ANKRD62: variants seen among roughly 807,000 people sequenced by gnomAD.
ANKRD62 encodes the protein ankyrin repeat domain 62, also known as ankyrin repeat domain-containing protein 62.
In ANKRD62, 61 loss-of-function variants were observed where a neutral mutation model predicts 98.8. The observed-to-expected ratio is 0.62, with a 90% confidence interval of 0.50 to 0.76. The LOEUF (loss-of-function observed/expected upper bound fraction) is 0.76. ANKRD62 is among the 30% of genes least tolerant of loss of function. The probability of loss-of-function intolerance (pLI) is 0.00; values close to 1 mark genes in which losing one functional copy is unlikely to be tolerated. For synonymous variants in ANKRD62, 341 were observed against 367.9 expected (o/e 0.93, Z 0.84); for missense variants, 933 against 1,082.9 (o/e 0.86, Z 1.94).
At chr18:12,109,335 G>C (rs1909484554) in intron 8 of ANKRD62, among the ~76,000 whole-genome samples, 2 of 152,188 alleles carry the variant, frequency 1.3e-5, no homozygotes, top group Non-Finnish European at 2.9e-5. Flanking sequence ...CCAAGGCATG[G>C]GTTTTTCACT....
the ANKRD62 span, among the ~76,000 whole-genome samples, chr18:12,160,764 G>A: frequency 0.01 from 1,571 of 152,156 alleles, 28 homozygotes; most frequent in African/African-American, 0.033. Flanking sequence ...TGCAACCAGA[G>A]GGAGGCATTA....
the ANKRD62 span, among the ~76,000 whole-genome samples, chr18:12,178,558 G>A: frequency 2.0e-5 from 3 of 149,622 alleles, no homozygotes; most frequent in Admixed American, 2.0e-4. Context: ...ATGAAATGCA[G>A]TGAAGAAGGA....
the ANKRD62 span, among the ~76,000 whole-genome samples, chr18:12,156,964 C>G: frequency 0.011 from 1,604 of 152,202 alleles, 23 homozygotes; most frequent in African/African-American, 0.036. Flanking sequence ...CGCTCGCTGT[C>G]TCTCATTTTT....
rs144813687 is a variant in ANKRD62, at chr18:12,107,349, G to T, written c.946G>T (p.Val316Leu). ...RNKKMEVSRN[V>L]HADDSDNYND... is the part of the protein sequence containing the mutation. ...TAAGAAAATGGAAGTGTCAAGAAAC[G>T]TACATGCTGATGACAGTGACAATTA... Residue 316 changes from valine (V) to leucine (L), a missense_variant, in exon 8 of 14, where the codon GTA becomes TTA. Around this residue, in one of 3 missense-constraint regions of ANKRD62, gnomAD observed 549 missense variants for 587.9 expected, o/e 0.93. Coordinates refer to ENST00000587848, the MANE Select transcript of ANKRD62 (RefSeq NM_001277333.2). The T allele has an allele frequency of 6.6e-7, 1 of 1,511,284 alleles. No homozygotes were observed. Among genetic ancestry groups the T allele is most frequent in the South Asian group, 1.3e-5 (1 of 79,040 alleles). The allele number at this position is 1,511,284 out of a possible 1,614,324, so 93.6% of individuals were successfully genotyped here.
At chr18:12,136,225 G>T in the ANKRD62 span, among the ~76,000 whole-genome samples, 5 of 151,918 alleles carry the variant, frequency 3.3e-5, no homozygotes, top group East Asian at 1.9e-4. Flanking sequence ...TTTGTATAAG[G>T]TGTAAGGAAG....
the ANKRD62 span, among the ~76,000 whole-genome samples, chr18:12,159,080 A>G: frequency 6.6e-6 from 1 of 152,222 alleles, no homozygotes; most frequent in Admixed American, 6.5e-5. Context: ...CAGCAGAAGT[A>G]TAACGACCTA....
At chr18:12,130,596 G>A (rs1472628836), downstream of ANKRD62, among the ~76,000 whole-genome samples, 3 of 152,080 alleles carry the variant, frequency 2.0e-5, no homozygotes, top group African/African-American at 4.8e-5. Context: ...TGGTACCCAA[G>A]AGTAAACGTG....
intron 4 of ANKRD62, among the ~76,000 whole-genome samples, chr18:12,097,165 C>T (rs1909200150): frequency 6.6e-6 from 1 of 152,066 alleles, no homozygotes; most frequent in African/African-American, 2.4e-5. Context: ...GCATTTAATC[C>T]AGTGCCTCGC....
the ANKRD62 span, among the ~76,000 whole-genome samples, chr18:12,155,994 T>C: frequency 1.6e-4 from 24 of 152,158 alleles, no homozygotes; most frequent in Non-Finnish European, 1.9e-4. Context: ...GAGTTCTCAC[T>C]CTGTTAGTTC....
In ANKRD62 at chr18:12,122,384, G is replaced by T. The variant is rs756742325; in HGVS notation, c.1322G>T (p.Arg441Leu). Residue 441 changes from arginine to leucine, a missense_variant, in exon 11 of 14, where the codon CGA (arginine) becomes CTA (leucine). This residue lies in a region of ANKRD62 where 549 missense variants were observed against 587.9 expected (regional missense o/e 0.93). Transcript: ENST00000587848. Reference sequence around the variant, plus strand: ...GAGGATCAAAAATGTTACTGTGAACGACTTAAAGTAAAATTTCAAAAAATG... The same window carrying T: ...GAGGATCAAAAATGTTACTGTGAACTACTTAAAGTAAAATTTCAAAAAATG... ...SIEDQKCYCE[R>L]LKVKFQKMKN... 30 of 1,535,500 alleles carry T rather than the reference G, an allele frequency of 2.0e-5. No individual in the cohort carries two copies. The highest frequency in any genetic ancestry group is 2.4e-5 in the Non-Finnish European group (28 of 1,146,672).
At chr18:12,168,227 G>A in the ANKRD62 span, among the ~76,000 whole-genome samples, 2 of 152,044 alleles carry the variant, frequency 1.3e-5, no homozygotes, top group Non-Finnish European at 2.9e-5. Context: ...TGTCCTGAAT[G>A]GTATTGCCTA....
chr18:12,097,777 C>A lies in ANKRD62; in HGVS notation c.752C>A (p.Ala251Asp). The A allele has an allele frequency of 1.3e-6, 2 of 1,535,142 alleles. No individual in the cohort carries two copies. The highest frequency in any genetic ancestry group is 1.7e-6 in the Non-Finnish European group (2 of 1,146,012). ...EDYAVASKFQAIRGMISEYKA... is the reference protein window; with the variant it reads ...EDYAVASKFQDIRGMISEYKA... ...TACGCTGTTGCTTCTAAGTTTCAAG[C>A]GTAAGTGTTAAAAAGGCTAGTGAAC... is the stretch of plus-strand genomic sequence containing the variant. The change falls in exon 5 of 14, where the codon GCC (alanine) becomes GAC (aspartate). Residue 251 changes from alanine to aspartate, a missense_variant and splice_region_variant. Transcript: ENST00000587848.
chr18:12,107,637 C>G (rs1353457378), intron 8 of ANKRD62, among the ~76,000 whole-genome samples, 170 bp downstream of exon 8: 1 of 152,092 alleles, frequency 6.6e-6, no homozygotes, highest in Admixed American at 6.6e-5. Flanking sequence ...TATGGTCTTT[C>G]CAATCATATT....
Position 12,122,520 on chromosome 18 carries a change from T to A in ANKRD62, c.1454+4T>A. On this transcript the variant is annotated splice_donor_region_variant and intron_variant, in intron 11 of 13. Transcript: ENST00000587848. The stretch of plus-strand genomic sequence containing the variant: ...AAAAAAAGCTCTGTAATTTGAGGTA[T>A]CACATTCTAGTTTTAAAGAAATATT... The A allele has an allele frequency of 2.7e-6, 4 of 1,508,390 alleles. No individual in the cohort carries two copies. The highest frequency in any genetic ancestry group is 3.5e-6 in the Non-Finnish European group (4 of 1,138,620). 93.4% of individuals were successfully genotyped at this position (1,508,390 alleles called of 1,614,324 possible). A position where few individuals can be genotyped will look rare whatever the true frequency, so the allele number is the denominator to read the frequency against.
chr18:12,106,679 C>T (rs1909419294), intron 7 of ANKRD62, among the ~76,000 whole-genome samples: 1 of 152,284 alleles, frequency 6.6e-6, no homozygotes. Flanking sequence ...GGAAGCATCT[C>T]ATTTTCCAGA....
chr18:12,134,463 G>A (rs957102542), downstream of ANKRD62, among the ~76,000 whole-genome samples: 7 of 152,006 alleles, frequency 4.6e-5, no homozygotes, highest in Non-Finnish European at 1.0e-4. Context: ...CCATGTTGGT[G>A]TGCTGCACCC....
At chr18:12,166,118 G>A in the ANKRD62 span, among the ~76,000 whole-genome samples, 8 of 152,032 alleles carry the variant, frequency 5.3e-5, no homozygotes, top group Admixed American at 2.0e-4. Flanking sequence ...GAGGTAGTCT[G>A]TTTTGGATTA....
intron 10 of ANKRD62, among the ~76,000 whole-genome samples, chr18:12,119,567 G>A (rs1287895124): frequency 6.6e-6 from 1 of 151,966 alleles, no homozygotes; most frequent in African/African-American, 2.4e-5. Flanking sequence ...GCTCTCTGAG[G>A]TGTGTTGTGT....
chr18:12,099,493 T>C (rs1909253306), intron 5 of ANKRD62, 122 bp from the exon 6 acceptor site: 1 of 547,162 alleles, frequency 1.8e-6, no homozygotes, highest in East Asian at 3.2e-5. Flanking sequence ...GCTTACAAAC[T>C]AAAAGTGTAT....
Sources: gnomAD v4.1 joint callset for allele counts (sites outside exome capture counted in the v4.1 genomes callset) on GRCh38, gnomAD v4.1.1 for gene constraint, gnomAD v4.1.1 regional missense constraint, MANE v1.5 for transcripts, NCBI Gene and HGNC (gene_info 2026-07-23, HGNC 2026-07-21) for gene names.